The following AFP variants were observed in gnomAD, a reference collection of about 807,000 sequenced individuals.
The protein encoded by AFP is alpha fetoprotein.
In AFP, 64 loss-of-function variants were observed where a neutral mutation model predicts 78.9. The observed-to-expected ratio is 0.81, with a 90% CI of 0.66 to 1.00. The LOEUF (loss-of-function observed/expected upper bound fraction) is 1.00. AFP is among the 50% of genes least tolerant of loss of function. AFP has a pLI of 0.00. For missense variants in AFP, 689 were observed against 703.8 expected, an observed-to-expected ratio of 0.98 and a Z score of 0.24; for synonymous variants, 254 against 243.8, an observed-to-expected ratio of 1.04 and a Z score of -0.39.
chr4:73,436,238 G>T lies in AFP; in HGVS notation c.-25G>T. On this transcript the variant is annotated 5_prime_UTR_variant, in exon 1 of 15. Coordinates refer to ENST00000395792, the MANE Select transcript of AFP (RefSeq NM_001134.3). ...TTTTCCATATTGTGCTTCCACCACT[G>T]CCAATAACAAAATAACTAGCAACCA... 1 of 1,487,488 alleles carries T rather than the reference G, an allele frequency of 6.7e-7. No individual in the cohort carries two copies. The highest frequency in any genetic ancestry group is 9.4e-7 in the Non-Finnish European group (1 of 1,067,094). 92.1% of individuals were successfully genotyped at this position (1,487,488 alleles called of 1,614,324 possible).
rs182846340 is a variant in AFP at position 73,438,927 on chromosome 4, G to C, written c.270+621G>C. Among the ~76,000 whole-genome samples the C allele has an allele frequency of 1.2e-4, 19 of 152,172 alleles. No homozygotes were observed. The East Asian group carries it at 3.5e-3, about 28-fold the overall frequency. On this transcript the variant is annotated intron_variant, in intron 3 of 14. Transcript: ENST00000395792. ...GGAAGCTGAGGCTCAGAGAATTTAAGTAACTTTCTTATGGGAACCACCAAA... is the reference window on the plus strand; with the variant it reads ...GGAAGCTGAGGCTCAGAGAATTTAACTAACTTTCTTATGGGAACCACCAAA...
intron 7 of AFP, among the ~76,000 whole-genome samples, chr4:73,446,899 G>A (rs1719845005): frequency 6.6e-6 from 1 of 152,184 alleles, no homozygotes; most frequent in Admixed American, 6.5e-5. Flanking sequence ...TAAGTGGAAA[G>A]GAATGAGAAA....
chr4:73,448,932 C>T (rs10031441), intron 8 of AFP, among the ~76,000 whole-genome samples: 82,058 of 151,858 alleles, frequency 0.54, 22,713 homozygotes, highest in East Asian at 0.67. Context: ...AATGAGATGG[C>T]CTATTTCTTG....
chr4:73,450,400 G>GC, intron 10 of AFP: 1 of 678,612 alleles, frequency 1.5e-6, no homozygotes, highest in South Asian at 1.9e-5. Context: ...CCTGGAGTTT[G>GC]CTTTTTCATT....
chr4:73,455,182 G>C, intron 13 of AFP, 54 bp from the exon 14 acceptor site: 2 of 1,338,078 alleles, frequency 1.5e-6, no homozygotes, highest in Non-Finnish European at 2.2e-6. Context: ...TTAACTGTAT[G>C]ATTGGTATAA....
At chr4:73,447,149 G>A (rs1334046139) in intron 7 of AFP, among the ~76,000 whole-genome samples, 3 of 151,926 alleles carry the variant, frequency 2.0e-5, no homozygotes, top group Non-Finnish European at 2.9e-5. Context: ...TGATTCTAAC[G>A]TAGTAATAAA....
chr4:73,455,436 A>G, intron 14 of AFP, 146 bp downstream of exon 14: 1 of 706,014 alleles, frequency 1.4e-6, no homozygotes, highest in Non-Finnish European at 2.4e-6. Flanking sequence ...ACACTTGAAC[A>G]AAATTACGCA....
chr4:73,441,583 A>AAAG (rs1340345393), intron 4 of AFP, among the ~76,000 whole-genome samples: 1 of 151,260 alleles, frequency 6.6e-6, no homozygotes, highest in Non-Finnish European at 1.5e-5. Flanking sequence ...AAAAAAAAAA[A>AAAG]AAAGGATGTT....
intron 5 of AFP, among the ~76,000 whole-genome samples, chr4:73,442,991 G>A (rs1488947023): frequency 2.0e-5 from 3 of 152,166 alleles, no homozygotes; most frequent in Admixed American, 6.5e-5. Flanking sequence ...GTGTCAAGCC[G>A]TGATACAATC....
chr4:73,453,946 G>C (rs1004671472), intron 13 of AFP, 49 bp downstream of exon 13: 4 of 1,609,910 alleles, frequency 2.5e-6, no homozygotes, highest in Non-Finnish European at 3.4e-6. Context: ...GGAATTTTCT[G>C]TAGTGGATAA....
At chr4:73,451,252 C>T (rs1719983244) in intron 11 of AFP, among the ~76,000 whole-genome samples, 1 of 152,074 alleles carries the variant, frequency 6.6e-6, no homozygotes, top group African/African-American at 2.4e-5. Flanking sequence ...GTATAGGGTA[C>T]AGCACAGGAT....
At chr4:73,441,654 C>T (rs570879008) in intron 4 of AFP, among the ~76,000 whole-genome samples, 3 of 151,674 alleles carry the variant, frequency 2.0e-5, no homozygotes, top group East Asian at 3.9e-4. Context: ...ACTTTGAAGC[C>T]TCCTTCTCCT....
Position 73,450,670 on chromosome 4 carries a change from G to A in AFP, c.1345G>A (p.Ala449Thr). 1 of 1,614,172 alleles carries A rather than the reference G, an allele frequency of 6.2e-7. No individual in the cohort carries two copies. Among genetic ancestry groups the A allele is most frequent in the Non-Finnish European group, 8.5e-7 (1 of 1,180,026 alleles). Residue 449 changes from alanine to threonine, a missense_variant, in exon 11 of 15, where the codon GCC becomes ACC. Ala to Thr is a moderately conservative substitution (Grantham distance 58). Transcript: ENST00000395792. Reference protein sequence around the residue: ...APQLTSSELMAITRKMAATAA... With the variant: ...APQLTSSELMTITRKMAATAA... Reference sequence around the variant, plus strand: ...CCAGCTGACCTCGTCGGAGCTGATGGCCATCACCAGAAAAATGGCAGCCAC... The same window carrying A: ...CCAGCTGACCTCGTCGGAGCTGATGACCATCACCAGAAAAATGGCAGCCAC...
Position 73,447,479 on chromosome 4 carries a change from C to T in AFP, c.861C>T (p.Tyr287=). 6.2e-7 allele frequency: 1 copy of T among 1,609,422 alleles called. No homozygotes were observed. Among genetic ancestry groups the T allele is most frequent in the Non-Finnish European group, 8.5e-7 (1 of 1,177,658 alleles). Residue 287 remains tyrosine, a synonymous_variant, in exon 8 of 15, where the codon TAC becomes TAT. Transcript: ENST00000395792. ...CLQDGEKIMS[Y]ICSQQDTLSN... ...TGTTGCAGGAAAAAATCATGTCCTA[C>T]ATATGTTCTCAACAAGACACTCTGT...
At chr4:73,445,781 A>G (rs1719803236) in intron 7 of AFP, among the ~76,000 whole-genome samples, 2 of 152,234 alleles carry the variant, frequency 1.3e-5, no homozygotes, top group South Asian at 4.1e-4. Flanking sequence ...TTAGAAAACA[A>G]AATTTAAAAA....
At chr4:73,448,660 C>T (rs1418626849) in intron 8 of AFP, among the ~76,000 whole-genome samples, 1 of 152,092 alleles carries the variant, frequency 6.6e-6, no homozygotes, top group Non-Finnish European at 1.5e-5. Context: ...TTTACACATC[C>T]ATGCACATCT....
At chr4:73,450,784 A>G (rs763216169) in intron 11 of AFP, 31 bp downstream of exon 11, 2 of 1,613,234 alleles carry the variant, frequency 1.2e-6, no homozygotes, top group Non-Finnish European at 1.7e-6. Flanking sequence ...GTCCCATCTC[A>G]TTTCTGCCCT....
chr4:73,444,111 T>C (rs985092401), intron 6 of AFP, among the ~76,000 whole-genome samples: 1 of 152,182 alleles, frequency 6.6e-6, no homozygotes, highest in Admixed American at 6.5e-5. Context: ...TAAAGCATAT[T>C]GTAGACAATG....
chr4:73,445,841 G>A (rs763027087), intron 7 of AFP, among the ~76,000 whole-genome samples: 1 of 152,154 alleles, frequency 6.6e-6, no homozygotes, highest in Admixed American at 6.5e-5. Flanking sequence ...GGTTTAAGCA[G>A]TGTGGCATTG....
Sources: gnomAD v4.1 joint callset for allele counts (sites outside exome capture counted in the v4.1 genomes callset) on GRCh38, gnomAD v4.1.1 for gene constraint, MANE v1.5 for transcripts, NCBI Gene and HGNC (gene_info 2026-07-23, HGNC 2026-07-21) for gene names.